The following PDSS2 variants were observed in gnomAD, a reference collection of about 807,000 sequenced individuals.
PDSS2 encodes the protein decaprenyl diphosphate synthase subunit 2, also known as all trans-polyprenyl-diphosphate synthase PDSS2.
PDSS2 carries 31 observed loss-of-function variants against 44.5 expected under a neutral mutation model. That is an observed-to-expected ratio of 0.70 (90% confidence interval 0.52 to 0.94). The LOEUF (loss-of-function observed/expected upper bound fraction) is 0.94. Ranked by LOEUF, PDSS2 falls within the 40% of genes least tolerant of loss-of-function variation. The pLI is 0.00. For missense variants in PDSS2, 452 were observed against 482.2 expected, an observed-to-expected ratio of 0.94 and a Z score of 0.59; for synonymous variants, 157 against 180.3, an observed-to-expected ratio of 0.87 and a Z score of 1.03.
At chr6:107,365,919 G>A in intron 1 of PDSS2, among the ~76,000 whole-genome samples, 1 of 152,064 alleles carries the variant, frequency 6.6e-6, no homozygotes, top group African/African-American at 2.4e-5. Flanking sequence ...ACTGAAAGAA[G>A]AAACAGGCAA....
chr6:107,162,516 AGG>A (rs1314829284), intron 7 of PDSS2, among the ~76,000 whole-genome samples: 57 of 145,000 alleles, frequency 3.9e-4, no homozygotes, highest in Non-Finnish European at 7.5e-4. Context: ...AAAAAAAAAA[AGG>A]AGAGAGCATT....
intron 1 of PDSS2, among the ~76,000 whole-genome samples, chr6:107,419,999 C>G (rs1254810567): frequency 6.6e-6 from 1 of 152,114 alleles, no homozygotes; most frequent in African/African-American, 2.4e-5. Context: ...CTGTAGAAAC[C>G]TAAACCGAAG....
intron 1 of PDSS2, among the ~76,000 whole-genome samples, chr6:107,455,779 A>AAC (rs1405173854): frequency 6.6e-6 from 1 of 151,048 alleles, no homozygotes; most frequent in African/African-American, 2.4e-5. Flanking sequence ...AAAAAAAAAA[A>AAC]AAAACTTAAG....
At chr6:107,361,205 A>C (rs1295181854) in intron 1 of PDSS2, among the ~76,000 whole-genome samples, 5 of 152,236 alleles carry the variant, frequency 3.3e-5, no homozygotes. Flanking sequence ...TATTAAATCT[A>C]TTACTAATAA....
chr6:107,420,604 G>T (rs1305656449), intron 1 of PDSS2, among the ~76,000 whole-genome samples: 2 of 152,036 alleles, frequency 1.3e-5, no homozygotes, highest in Non-Finnish European at 2.9e-5. Context: ...AATCATGCTG[G>T]AACAACTGGA....
In PDSS2 at chr6:107,430,811, G is replaced by GA. The variant is rs975546398; in HGVS notation, c.296+28178dup. On this transcript the variant is annotated intron_variant, in intron 1 of 7. Transcript: ENST00000369037. ...GAGACAAGAGAGAAACTCCGTCTCAGAAAAAAAAAAAGAAAAAAGTTCTAA... is the reference window on the plus strand; with the variant it reads ...GAGACAAGAGAGAAACTCCGTCTCAGAAAAAAAAAAAAGAAAAAAGTTCTAA... Among the ~76,000 whole-genome samples, 92 of 143,494 alleles carry GA rather than the reference G, an allele frequency of 6.4e-4. No individual in the cohort carries two copies. In the South Asian group the frequency reaches 8.1e-3, roughly 13 times the overall value. The allele number at this position is 143,494 out of a possible 152,430, so 94.1% of individuals were successfully genotyped here.
At chr6:107,431,091 C>T (rs745704865) in intron 1 of PDSS2, among the ~76,000 whole-genome samples, 15 of 152,248 alleles carry the variant, frequency 9.9e-5, no homozygotes, top group Non-Finnish European at 1.8e-4. Context: ...TTATTATTCC[C>T]CTTTTCACCA....
intron 2 of PDSS2, among the ~76,000 whole-genome samples, chr6:107,311,447 C>T (rs1375794162): frequency 6.6e-6 from 1 of 152,026 alleles, no homozygotes; most frequent in Non-Finnish European, 1.5e-5. Flanking sequence ...GGCTCAAGTG[C>T]TCCTCCTGAT....
At chr6:107,226,151 A>G (rs1016227200) in intron 4 of PDSS2, among the ~76,000 whole-genome samples, 12 of 152,136 alleles carry the variant, frequency 7.9e-5, no homozygotes, top group Non-Finnish European at 1.6e-4. Context: ...TACTAAAAAT[A>G]CAAAAAAATT....
At chr6:107,351,782 T>C (rs1434303464) in intron 1 of PDSS2, among the ~76,000 whole-genome samples, 1 of 152,188 alleles carries the variant, frequency 6.6e-6, no homozygotes, top group Non-Finnish European at 1.5e-5. Context: ...AAAAAAGCTA[T>C]TATTCTCTAT....
intron 1 of PDSS2, among the ~76,000 whole-genome samples, chr6:107,391,535 T>G (rs746946267): frequency 3.9e-5 from 6 of 151,988 alleles, no homozygotes; most frequent in Non-Finnish European, 5.9e-5. Context: ...AAAGCAAAGA[T>G]TTTTCTTGAT....
chr6:107,179,519 TTCGCCCGCC>T (rs74607276), intron 7 of PDSS2, among the ~76,000 whole-genome samples: 56,592 of 151,548 alleles, frequency 0.37, 10,785 homozygotes, highest in African/African-American at 0.43. Context: ...GGCCTCGTGA[TTCGCCCGCC>T]TCGGCCTTCT....
chr6:107,256,190 C>T (rs1219608511), intron 3 of PDSS2, among the ~76,000 whole-genome samples: 6 of 152,040 alleles, frequency 3.9e-5, no homozygotes, highest in Non-Finnish European at 8.8e-5. Context: ...AGGTTTTCAC[C>T]GTGTTGCCCA....
intron 2 of PDSS2, among the ~76,000 whole-genome samples, chr6:107,307,005 C>T (rs1245351613): frequency 1.3e-5 from 2 of 152,250 alleles, no homozygotes; most frequent in Non-Finnish European, 2.9e-5. Context: ...CTCTCCCACA[C>T]TTATCTTTCT....
intron 7 of PDSS2, among the ~76,000 whole-genome samples, chr6:107,175,772 G>A (rs1490937111): frequency 6.6e-6 from 1 of 152,148 alleles, no homozygotes; most frequent in Admixed American, 6.6e-5. Context: ...AAAAGGTCAT[G>A]CATATCTCAA....
At chr6:107,431,960 A>G (rs1781206416) in intron 1 of PDSS2, among the ~76,000 whole-genome samples, 1 of 152,202 alleles carries the variant, frequency 6.6e-6, no homozygotes, top group African/African-American at 2.4e-5. Context: ...TAGGCTCACA[A>G]ATCTATTTTC....
At chr6:107,316,146 AG>A (rs1225237399) in intron 2 of PDSS2, among the ~76,000 whole-genome samples, 2 of 152,202 alleles carry the variant, frequency 1.3e-5, no homozygotes, top group Non-Finnish European at 2.9e-5. Flanking sequence ...GTTAACTGTA[AG>A]TCTGATTTAA....
intron 1 of PDSS2, among the ~76,000 whole-genome samples, chr6:107,438,380 A>T (rs973684603): frequency 1.3e-5 from 2 of 151,562 alleles, no homozygotes; most frequent in Non-Finnish European, 2.9e-5. Flanking sequence ...GCTAATTTTA[A>T]TTTTTTTCTT....
chr6:107,194,928 T>G (rs1003645319), intron 6 of PDSS2, among the ~76,000 whole-genome samples: 3 of 151,866 alleles, frequency 2.0e-5, no homozygotes, highest in African/African-American at 7.3e-5. Context: ...CACTCCAGCC[T>G]GAGTGACAGA....
Sources: gnomAD v4.1 joint callset for allele counts (sites outside exome capture counted in the v4.1 genomes callset) on GRCh38, gnomAD v4.1.1 for gene constraint, MANE v1.5 for transcripts, NCBI Gene and HGNC (gene_info 2026-07-23, HGNC 2026-07-21) for gene names.